The following RYR2 variants were observed in gnomAD, a reference collection of about 807,000 sequenced individuals.
RYR2 encodes ryanodine receptor 2.
RYR2 carries 227 observed loss-of-function variants against 601.1 expected under a neutral mutation model. The observed-to-expected ratio is 0.38, with a 90% confidence interval of 0.34 to 0.42. The LOEUF (loss-of-function observed/expected upper bound fraction) is 0.42, where lower values mean the gene tolerates loss of function less well. Among genes scored for constraint, RYR2 ranks in the 10% least tolerant of loss-of-function variants. The pLI, the probability that RYR2 is intolerant of heterozygous loss-of-function variation, is 1.00. For synonymous variants in RYR2, 2,223 were observed against 2,175.1 expected (o/e 1.02, Z -0.61); for missense variants, 4,646 against 6,156.5 (o/e 0.75, Z 8.21).
Position 237,794,532 on chromosome 1 carries a change from GA to G in RYR2, c.13913+536del, listed in dbSNP as rs1397120487. Among the ~76,000 whole-genome samples the G allele has an allele frequency of 2.6e-5, 4 of 152,302 alleles. No individual in the cohort carries two copies. The East Asian group carries it at 5.8e-4, about 22-fold the overall frequency. ...ATCCAATAAACATTTAGCCCTGTGA[GA>G]TCAAGACCCAAACTACTAGCTGCTG... On this transcript the variant is annotated intron_variant, in intron 95 of 104. Coordinates refer to ENST00000366574, the MANE Select transcript of RYR2 (RefSeq NM_001035.3).
At chr1:237,727,983 T>G (rs1690336831) in intron 76 of RYR2, among the ~76,000 whole-genome samples, 1 of 152,058 alleles carries the variant, frequency 6.6e-6, no homozygotes, top group Admixed American at 6.6e-5. Context: ...CTCAGCTACA[T>G]CTCTTTTGTG....
intron 15 of RYR2, 91 bp downstream of exon 15, chr1:237,454,665 C>A (rs954117345): frequency 3.2e-5 from 43 of 1,355,796 alleles, no homozygotes; most frequent in African/African-American, 4.3e-5. Context: ...TTTTGACCAT[C>A]TTTGCGTTTT....
intron 51 of RYR2, among the ~76,000 whole-genome samples, chr1:237,652,028 T>C (rs1682809874): frequency 6.6e-6 from 1 of 151,648 alleles, no homozygotes; most frequent in African/African-American, 2.4e-5. Flanking sequence ...AGAGCGAGAC[T>C]CCGTCAAAAA....
At chr1:237,701,884 T>C (rs763959304) in intron 65 of RYR2, 94 bp from the exon 66 acceptor site, 11 of 660,162 alleles carry the variant, frequency 1.7e-5, no homozygotes, top group Non-Finnish European at 3.0e-5. Flanking sequence ...GAATAGTATA[T>C]AGCCTAAACT....
rs531055848 is a variant in RYR2, at chr1:237,068,929, G to A, written c.48+26360G>A. Among the ~76,000 whole-genome samples, 5 of 152,232 alleles carry A rather than the reference G, an allele frequency of 3.3e-5. No homozygotes were observed. The South Asian group carries it at 1.0e-3, about 32-fold the overall frequency. On this transcript the variant is annotated intron_variant, in intron 1 of 104. Coordinates refer to ENST00000366574, the MANE Select transcript of RYR2 (RefSeq NM_001035.3). ...CATGTAATGGTAACATTGCACTGGA[G>A]CAAAAATCTTCCTGTATCTCTTAAT...
intron 1 of RYR2, among the ~76,000 whole-genome samples, chr1:237,058,119 T>C (rs74467938): frequency 0.064 from 9,703 of 152,204 alleles, 495 homozygotes; most frequent in African/African-American, 0.15. Context: ...TTTTTTCTCA[T>C]AGCTGTTAAC....
intron 11 of RYR2, among the ~76,000 whole-genome samples, chr1:237,422,854 A>T (rs1249425177): frequency 1.3e-5 from 2 of 152,168 alleles, no homozygotes. Flanking sequence ...TTAAGTCAGA[A>T]CACCTTGAGT....
intron 86 of RYR2, 84 bp downstream of exon 86, chr1:237,772,184 A>C (rs1694324824): frequency 2.7e-6 from 2 of 741,244 alleles, no homozygotes; most frequent in Non-Finnish European, 4.4e-6. Flanking sequence ...GTTTTGGTTT[A>C]TAACTAGAAA....
At chr1:237,208,732 CT>C (rs1682097331) in intron 1 of RYR2, among the ~76,000 whole-genome samples, 1 of 151,684 alleles carries the variant, frequency 6.6e-6, no homozygotes, top group Non-Finnish European at 1.5e-5. Context: ...CACGTCAGTT[CT>C]ACTCTCTTAG....
chr1:237,510,927 C>T lies in RYR2; in HGVS notation c.2719-761C>T, dbSNP rs1032640084. ...CTGCATATGATGCTAATGGATTTTGCGAAGGTAGTAGGGTGATTTGTGAGA... is the reference window on the plus strand; with the variant it reads ...CTGCATATGATGCTAATGGATTTTGTGAAGGTAGTAGGGTGATTTGTGAGA... On this transcript the variant is annotated intron_variant, in intron 23 of 104. Coordinates refer to ENST00000366574, the MANE Select transcript of RYR2 (RefSeq NM_001035.3). 7.2e-5 allele frequency among the ~76,000 whole-genome samples: 11 copies of T among 152,084 alleles called. No individual in the cohort carries two copies. In the East Asian group the frequency reaches 1.9e-3, roughly 27 times the overall value.
chr1:237,485,583 G>A (rs917432615), intron 17 of RYR2, among the ~76,000 whole-genome samples: 5 of 152,174 alleles, frequency 3.3e-5, no homozygotes, highest in Non-Finnish European at 5.9e-5. Flanking sequence ...CTTAGACGGT[G>A]GGAGTGTATT....
chr1:237,057,750 C>T (rs1412124072), intron 1 of RYR2, among the ~76,000 whole-genome samples: 1 of 152,170 alleles, frequency 6.6e-6, no homozygotes, highest in Non-Finnish European at 1.5e-5. Flanking sequence ...ATTGATGTTG[C>T]AAGTTCCTAA....
intron 3 of RYR2, among the ~76,000 whole-genome samples, chr1:237,333,042 T>C (rs1034775814): frequency 3.9e-5 from 6 of 152,210 alleles, no homozygotes; most frequent in Non-Finnish European, 7.3e-5. Flanking sequence ...TCCTCAAGTA[T>C]TTTTATTTAG....
At chr1:237,398,678 T>TTAA (rs1478067722) in intron 10 of RYR2, among the ~76,000 whole-genome samples, 5 of 152,244 alleles carry the variant, frequency 3.3e-5, no homozygotes, top group African/African-American at 9.6e-5. Flanking sequence ...GAAAACATTT[T>TTAA]GGCAGTTTCT....
At chr1:237,222,786 C>T (rs191617401) in intron 1 of RYR2, among the ~76,000 whole-genome samples, 1 of 152,226 alleles carries the variant, frequency 6.6e-6, no homozygotes, top group East Asian at 1.9e-4. Flanking sequence ...TCTGTATTGG[C>T]TGGGCGCGGT....
intron 16 of RYR2, among the ~76,000 whole-genome samples, chr1:237,467,662 T>C (rs534911002): frequency 1.3e-5 from 2 of 152,306 alleles, no homozygotes; most frequent in African/African-American, 4.8e-5. Context: ...TGTGTGTTTC[T>C]TTTCTTACTC....
chr1:237,173,475 G>A (rs78953083), intron 1 of RYR2, among the ~76,000 whole-genome samples: 46 of 152,274 alleles, frequency 3.0e-4, no homozygotes, highest in Non-Finnish European at 5.3e-4. Context: ...TGGTCGGAAG[G>A]GCACCTGCAC....
intron 1 of RYR2, among the ~76,000 whole-genome samples, chr1:237,125,682 T>A (rs1671331781): frequency 6.6e-6 from 1 of 152,194 alleles, no homozygotes; most frequent in Admixed American, 6.5e-5. Flanking sequence ...TGTAGACAGT[T>A]TTTCAAATTA....
intron 100 of RYR2, among the ~76,000 whole-genome samples, chr1:237,809,438 C>A (rs778586797): frequency 4.6e-5 from 7 of 152,178 alleles, no homozygotes; most frequent in Admixed American, 3.9e-4. Flanking sequence ...CTTCCTAGAA[C>A]TACTGGTTTT....
Sources: gnomAD v4.1 joint callset for allele counts (sites outside exome capture counted in the v4.1 genomes callset) on GRCh38, gnomAD v4.1.1 for gene constraint, MANE v1.5 for transcripts, NCBI Gene and HGNC (gene_info 2026-07-23, HGNC 2026-07-21) for gene names.